DLC1: variants seen among roughly 807,000 people sequenced by gnomAD.
DLC1 encodes DLC1 Rho GTPase activating protein, also known as rho GTPase-activating protein 7.
Under a neutral mutation model 140.3 loss-of-function variants are expected in DLC1, and 54 were observed. That is an observed-to-expected ratio of 0.38 (90% confidence interval 0.31 to 0.48). DLC1 has a LOEUF of 0.48. Ranked by LOEUF, DLC1 falls within the 20% of genes least tolerant of loss-of-function variation. The probability of loss-of-function intolerance (pLI) is 0.96; values close to 1 mark genes in which losing one functional copy is unlikely to be tolerated. For missense variants in DLC1, 2,536 were observed against 1,907.0 expected, an observed-to-expected ratio of 1.33 and a Z score of -6.14; for synonymous variants, 986 against 728.1, an observed-to-expected ratio of 1.35 and a Z score of -5.70.
At chr8:13,454,620 A>G (rs1799305882) in intron 2 of DLC1, among the ~76,000 whole-genome samples, 1 of 152,144 alleles carries the variant, frequency 6.6e-6, no homozygotes, top group Non-Finnish European at 1.5e-5. Context: ...CAGTGGTGTG[A>G]TCATAGCTTA....
intron 5 of DLC1, among the ~76,000 whole-genome samples, chr8:13,208,745 G>GAC (rs56989279): frequency 0.088 from 13,018 of 147,822 alleles, 736 homozygotes; most frequent in South Asian, 0.14. Context: ...CATACACACA[G>GAC]ACACACACAC....
chr8:13,308,049 A>T (rs1268592668), intron 4 of DLC1, among the ~76,000 whole-genome samples: 1 of 152,226 alleles, frequency 6.6e-6, no homozygotes, highest in Non-Finnish European at 1.5e-5. Context: ...TCAAGTTGAA[A>T]GCTTTGCCCC....
chr8:13,477,221 T>C (rs978439005), intron 2 of DLC1, among the ~76,000 whole-genome samples: 1 of 149,998 alleles, frequency 6.7e-6, no homozygotes, highest in African/African-American at 2.5e-5. Flanking sequence ...AAAAAAAAAA[T>C]ACTAATCCCC....
chr8:13,290,830 T>G (rs1431257220), intron 5 of DLC1, among the ~76,000 whole-genome samples: 1 of 152,192 alleles, frequency 6.6e-6, no homozygotes, highest in East Asian at 1.9e-4. Flanking sequence ...AATGTGAGCA[T>G]TCCTGTGATG....
Position 13,094,933 on chromosome 8 carries a change from C to T in DLC1, c.3352G>A (p.Val1118Ile). 1 of 1,614,188 alleles carries T rather than the reference C, an allele frequency of 6.2e-7. No homozygotes were observed. The highest frequency in any genetic ancestry group is 8.5e-7 in the Non-Finnish European group (1 of 1,180,034). Residue 1118 changes from valine to isoleucine, a missense_variant, in exon 12 of 18, where the codon GTC becomes ATC. By Grantham distance (29) the Val-to-Ile change is conservative. Coordinates refer to ENST00000276297, the MANE Select transcript of DLC1 (RefSeq NM_182643.3). Reference protein sequence around the residue: ...DQVGLFRKSGVKSRIQALRQM... With the variant: ...DQVGLFRKSGIKSRIQALRQM... ...CGCAGAGCCTGAATCCGGGACTTGA[C>T]CCCCGATTTTCTGAAGAGCCCAACC... is the stretch of plus-strand genomic sequence containing the variant.
chr8:13,422,225 T>C (rs1021664639), intron 2 of DLC1, among the ~76,000 whole-genome samples: 2 of 152,138 alleles, frequency 1.3e-5, no homozygotes, highest in Non-Finnish European at 2.9e-5. Context: ...TACCTCAAAG[T>C]AATCTTTCTG....
intron 1 of DLC1, among the ~76,000 whole-genome samples, chr8:13,580,340 C>CTTT (rs1344366236): frequency 6.6e-6 from 1 of 152,146 alleles, no homozygotes; most frequent in Non-Finnish European, 1.5e-5. Flanking sequence ...CCAGGATGGC[C>CTTT]TCGATCGCCT....
intron 5 of DLC1, among the ~76,000 whole-genome samples, chr8:13,143,920 C>T (rs948909982): frequency 5.9e-5 from 9 of 151,892 alleles, no homozygotes; most frequent in African/African-American, 2.2e-4. Flanking sequence ...CGGGCAGGCA[C>T]ATGTGAATGG....
chr8:13,374,704 C>T (rs1021075229), intron 4 of DLC1, among the ~76,000 whole-genome samples: 5 of 152,152 alleles, frequency 3.3e-5, no homozygotes, highest in Non-Finnish European at 5.9e-5. Flanking sequence ...ATCACTTGAG[C>T]CCAGAAAGTG....
intron 4 of DLC1, among the ~76,000 whole-genome samples, chr8:13,391,366 G>A (rs547616585): frequency 1.3e-5 from 2 of 152,058 alleles, no homozygotes; most frequent in African/African-American, 2.4e-5. Flanking sequence ...CTGAACAGCT[G>A]GATACTACTC....
chr8:13,471,517 AGGAG>A (rs201227369), intron 2 of DLC1, among the ~76,000 whole-genome samples: 5,222 of 123,534 alleles, frequency 0.042, 320 homozygotes, highest in African/African-American at 0.14. Context: ...AGGGAGGGAA[AGGAG>A]GGAGGGAGGG....
At chr8:13,188,843 ATTTTT>A (rs869162448) in intron 5 of DLC1, among the ~76,000 whole-genome samples, 93 of 30,616 alleles carry the variant, frequency 3.0e-3, no homozygotes, top group Non-Finnish European at 5.3e-3. Flanking sequence ...ATATATATAT[ATTTTT>A]TTTTTTTTTT....
chr8:13,237,197 A>ATATGTGTGTGTGTGTG (rs1554478020), intron 5 of DLC1, among the ~76,000 whole-genome samples: 2 of 138,204 alleles, frequency 1.4e-5, no homozygotes, highest in Non-Finnish European at 3.1e-5. Context: ...ATATATATAT[A>ATATGTGTGTGTGTGTG]TGTGTGTGTG....
intron 5 of DLC1, among the ~76,000 whole-genome samples, chr8:13,283,112 A>T (rs536258719): frequency 7.9e-5 from 12 of 152,284 alleles, no homozygotes; most frequent in African/African-American, 2.9e-4. Context: ...AGTCAGACCA[A>T]ACAGGAACCC....
intron 5 of DLC1, among the ~76,000 whole-genome samples, chr8:13,288,858 G>C (rs2117452450): frequency 6.6e-6 from 1 of 152,324 alleles, no homozygotes; most frequent in East Asian, 1.9e-4. Context: ...ACCCAGCTTA[G>C]GGATCATAGG....
chr8:13,576,318 C>T (rs567297896), intron 1 of DLC1, among the ~76,000 whole-genome samples: 15 of 151,998 alleles, frequency 9.9e-5, no homozygotes, highest in East Asian at 3.9e-4. Flanking sequence ...TTCTGGGGCG[C>T]GGAGAAGGAT....
chr8:13,580,833 C>T (rs1805068561), intron 1 of DLC1, among the ~76,000 whole-genome samples: 1 of 152,150 alleles, frequency 6.6e-6, no homozygotes, highest in South Asian at 2.1e-4. Context: ...ATCAGGCTTT[C>T]TGAGAAAAAG....
intron 5 of DLC1, among the ~76,000 whole-genome samples, chr8:13,255,640 C>T (rs903206638): frequency 1.3e-5 from 2 of 152,166 alleles, no homozygotes; most frequent in Non-Finnish European, 1.5e-5. Flanking sequence ...CCAGCTTTCA[C>T]TGTCTCTGCA....
intron 1 of DLC1, among the ~76,000 whole-genome samples, chr8:13,552,220 TAGA>T (rs1803892210): frequency 1.4e-5 from 2 of 145,426 alleles, no homozygotes; most frequent in African/African-American, 5.0e-5. Context: ...TATACCTGTC[TAGA>T]CAGATATATA....
Sources: gnomAD v4.1 joint callset for allele counts (sites outside exome capture counted in the v4.1 genomes callset) on GRCh38, gnomAD v4.1.1 for gene constraint, MANE v1.5 for transcripts, NCBI Gene and HGNC (gene_info 2026-07-23, HGNC 2026-07-21) for gene names.